Variants in BLVRA observed in about 807,000 individuals in gnomAD.
BLVRA encodes the protein BVR A.
BLVRA carries 22 observed loss-of-function variants against 32.8 expected under a neutral mutation model. The ratio of observed to expected loss-of-function variants is 0.67; its 90% CI spans 0.48 to 0.96. The LOEUF is 0.96. Among genes scored for constraint, BLVRA ranks in the 40% least tolerant of loss-of-function variants. The pLI, the probability that BLVRA is intolerant of heterozygous loss-of-function variation, is 0.00. For missense variants in BLVRA, 323 were observed against 358.1 expected, an observed-to-expected ratio of 0.90 and a Z score of 0.79; for synonymous variants, 119 against 141.3, an observed-to-expected ratio of 0.84 and a Z score of 1.12.
intron 2 of BLVRA, among the ~76,000 whole-genome samples, chr7:43,777,901 C>T (rs752589869): frequency 1.1e-4 from 16 of 152,164 alleles, no homozygotes; most frequent in South Asian, 2.1e-4. Flanking sequence ...TTTCATCTTC[C>T]GTCACTGATA....
chr7:43,799,825 A>G (rs2095796729), intron 5 of BLVRA, among the ~76,000 whole-genome samples: 1 of 152,046 alleles, frequency 6.6e-6, no homozygotes, highest in Non-Finnish European at 1.5e-5. Flanking sequence ...CCTGTCTAGA[A>G]CAGTAGCTAA....
intron 1 of BLVRA, among the ~76,000 whole-genome samples, chr7:43,763,045 G>A (rs1378401378): frequency 6.6e-6 from 1 of 152,132 alleles, no homozygotes; most frequent in Non-Finnish European, 1.5e-5. Flanking sequence ...TTATCAGTTG[G>A]GAATCCCAAC....
chr7:43,807,207 T>A lies in BLVRA; in HGVS notation c.863T>A (p.Ile288Asn). The change falls in exon 8 of 8, where the codon ATC (isoleucine) becomes AAC (asparagine). Residue 288 changes from isoleucine (I) to asparagine (N), a missense_variant. By Grantham distance (149) the Ile-to-Asn change is moderately radical (BLOSUM62 -3). Coordinates refer to ENST00000265523, the MANE Select transcript of BLVRA (RefSeq NM_000712.4). ...CACTGCCTGGGGCTTGCAGAAGAAATCCAGAAATATTGCTGTTCAAGGAAG... is the reference window on the plus strand; with the variant it reads ...CACTGCCTGGGGCTTGCAGAAGAAAACCAGAAATATTGCTGTTCAAGGAAG... ...ILHCLGLAEE[I>N]QKYCCSRK 3.1e-6 allele frequency: 5 copies of A among 1,608,980 alleles called. No homozygotes were observed. Among genetic ancestry groups the A allele is most frequent in the Non-Finnish European group, 4.2e-6 (5 of 1,179,978 alleles).
At chr7:43,777,044 G>A (rs372688275) in intron 2 of BLVRA, among the ~76,000 whole-genome samples, 7 of 149,668 alleles carry the variant, frequency 4.7e-5, no homozygotes, top group East Asian at 3.9e-4. Context: ...GTCTCTGCAC[G>A]TGAGATGGGT....
intron 2 of BLVRA, among the ~76,000 whole-genome samples, chr7:43,783,248 A>G (rs1239033509): frequency 6.6e-6 from 1 of 152,072 alleles, no homozygotes; most frequent in African/African-American, 2.4e-5. Flanking sequence ...TTTCCCAGCC[A>G]CTCTGTTTTT....
At chr7:43,798,169 G>A (rs1392833183) in intron 5 of BLVRA, among the ~76,000 whole-genome samples, 3 of 134,652 alleles carry the variant, frequency 2.2e-5, no homozygotes, top group Non-Finnish European at 3.1e-5. Flanking sequence ...ACTCCAGCCT[G>A]GGTGACAGAG....
intron 7 of BLVRA, among the ~76,000 whole-genome samples, chr7:43,805,023 AACAG>A (rs2095802609): frequency 1.3e-5 from 2 of 152,208 alleles, no homozygotes; most frequent in African/African-American, 2.4e-5. Flanking sequence ...TGGAGTGACC[AACAG>A]TGGTGGCCCG....
Position 43,787,877 on chromosome 7 carries a change from A to T in BLVRA, c.13-27A>T. The T allele has an allele frequency of 6.2e-7, 1 of 1,613,220 alleles. No individual in the cohort carries two copies. Among genetic ancestry groups the T allele is most frequent in the Non-Finnish European group, 8.5e-7 (1 of 1,179,828 alleles). On this transcript the variant is annotated intron_variant, in intron 2 of 7. Coordinates refer to ENST00000265523, the MANE Select transcript of BLVRA (RefSeq NM_000712.4). This position sits in a 1 kb window ranked among gnomAD's most constrained non-coding sequence, Gnocchi z 4.5. The stretch of plus-strand genomic sequence containing the variant: ...TGCTCGATGCCTACAGTGTTTTCAG[A>T]CTCCACCTTGGTCCCTTGTGTTTCA...
intron 2 of BLVRA, among the ~76,000 whole-genome samples, chr7:43,784,127 A>G (rs2095773864): frequency 6.6e-6 from 1 of 152,176 alleles, no homozygotes; most frequent in Non-Finnish European, 1.5e-5. Flanking sequence ...TGCTGTGCTT[A>G]TGTGTCCTTT....
chr7:43,759,122 T>C (rs1333530872), intron 1 of BLVRA, among the ~76,000 whole-genome samples: 1 of 152,204 alleles, frequency 6.6e-6, no homozygotes, highest in Non-Finnish European at 1.5e-5. Flanking sequence ...GGCCCGGGCG[T>C]AGCCACCGCA....
At chr7:43,771,379 G>A (rs753708855) in intron 2 of BLVRA, among the ~76,000 whole-genome samples, 2 of 152,076 alleles carry the variant, frequency 1.3e-5, no homozygotes, top group Non-Finnish European at 2.9e-5. Flanking sequence ...GGCTTCATTC[G>A]AACTTACCCA....
chr7:43,769,382 G>A (rs2095751938), intron 1 of BLVRA, among the ~76,000 whole-genome samples: 2 of 152,052 alleles, frequency 1.3e-5, no homozygotes, highest in African/African-American at 4.8e-5. Flanking sequence ...TGCCTCCCCA[G>A]GATCTGAGAA....
At chr7:43,786,514 A>G (rs2132572328) in intron 2 of BLVRA, among the ~76,000 whole-genome samples, 1 of 152,336 alleles carries the variant, frequency 6.6e-6, no homozygotes, top group Middle Eastern at 3.4e-3. Flanking sequence ...AGACCTGAAC[A>G]ACACAATCAA....
At chr7:43,793,013 C>T (rs2095787931) in intron 5 of BLVRA, among the ~76,000 whole-genome samples, 1 of 152,132 alleles carries the variant, frequency 6.6e-6, no homozygotes, top group South Asian at 2.1e-4. Context: ...AACTTTTGGT[C>T]AAAGCTTATC....
In BLVRA at chr7:43,768,681, C is replaced by A. The variant is rs552147430; in HGVS notation, c.-21-2457C>A. Among the ~76,000 whole-genome samples the A allele has an allele frequency of 2.6e-5, 4 of 152,216 alleles. No individual in the cohort carries two copies. The East Asian group carries it at 7.7e-4, about 29-fold the overall frequency. ...GTTCTGTCACTGTTCTGTTATCTGA[C>A]TATCACTCACGTGCAAGCTCCAAGG... On this transcript the variant is annotated intron_variant, in intron 1 of 7. Coordinates refer to ENST00000265523, the MANE Select transcript of BLVRA (RefSeq NM_000712.4).
intron 6 of BLVRA, 122 bp from the exon 7 acceptor site, chr7:43,803,554 G>A (rs2095800973): frequency 3.6e-6 from 4 of 1,108,678 alleles, no homozygotes; most frequent in Middle Eastern, 5.7e-4. Flanking sequence ...ATAAGGCAAG[G>A]TCCCATTGTA....
chr7:43,780,750 C>G (rs897009517), intron 2 of BLVRA, among the ~76,000 whole-genome samples: 3 of 152,242 alleles, frequency 2.0e-5, no homozygotes, highest in African/African-American at 7.2e-5. Context: ...CATCCCCATT[C>G]TCACCCTGCC....
intron 1 of BLVRA, chr7:43,767,466 G>A: frequency 6.9e-7 from 1 of 1,442,342 alleles, no homozygotes; most frequent in Non-Finnish European, 9.7e-7. Flanking sequence ...GGCGCCCTTG[G>A]GATATCCAAT....
At position 43,768,946 on chromosome 7, in the gene BLVRA, A is replaced by T. The variant is rs565708683; in HGVS notation, c.-21-2192A>T. On this transcript the variant is annotated intron_variant, in intron 1 of 7. Transcript: ENST00000265523. ...TCCTTCTGAGATTTTTTTTTTTTTTAAATGAGACAGGGTCTCTCATCTGGG... is the reference window on the plus strand; with the variant it reads ...TCCTTCTGAGATTTTTTTTTTTTTTTAATGAGACAGGGTCTCTCATCTGGG... Among the ~76,000 whole-genome samples, 72 of 145,664 alleles carry T rather than the reference A, an allele frequency of 4.9e-4. 1 individual carries two copies. The highest frequency in any genetic ancestry group is 2.9e-3 in the South Asian group (13 of 4,556).
Sources: gnomAD v4.1 joint callset for allele counts (sites outside exome capture counted in the v4.1 genomes callset) on GRCh38, gnomAD v4.1.1 for gene constraint, Gnocchi (gnomAD v3.1) non-coding constraint, MANE v1.5 for transcripts, NCBI Gene and HGNC (gene_info 2026-07-23, HGNC 2026-07-21) for gene names.